MACF1: variants seen among roughly 807,000 people sequenced by gnomAD.
The protein encoded by MACF1 is microtubule-actin cross-linking factor 1.
MACF1 carries 193 observed loss-of-function variants against 854.8 expected under a neutral mutation model. That is an observed-to-expected ratio of 0.23 (90% CI 0.20 to 0.25). MACF1 has a LOEUF of 0.25. Among genes scored for constraint, MACF1 ranks in the 10% least tolerant of loss-of-function variants. The pLI, the probability that MACF1 is intolerant of heterozygous loss-of-function variation, is 1.00. For missense variants in MACF1, 7,722 were observed against 8,929.1 expected (o/e 0.86, Z 5.45); for synonymous variants, 3,185 against 3,226.7 (o/e 0.99, Z 0.44).
intron 1 of MACF1, among the ~76,000 whole-genome samples, chr1:39,217,235 A>G (rs1297280991): frequency 6.9e-6 from 1 of 145,732 alleles, no homozygotes; most frequent in African/African-American, 2.5e-5. Context: ...TTCATGATTT[A>G]GGGTCTATTT....
intron 2 of MACF1, among the ~76,000 whole-genome samples, chr1:39,111,030 C>T (rs1400475589): frequency 6.6e-6 from 1 of 152,172 alleles, no homozygotes; most frequent in Non-Finnish European, 1.5e-5. Flanking sequence ...TTGGCCCTTT[C>T]AGCTTCTGAT....
intron 30 of MACF1, 133 bp from the exon 31 acceptor site, chr1:39,319,531 G>T: frequency 1.7e-6 from 1 of 598,506 alleles, no homozygotes. Context: ...CCAGCAGTAT[G>T]TGTTTTAACC....
intron 95 of MACF1, among the ~76,000 whole-genome samples, chr1:39,467,538 A>G (rs1322404909): frequency 6.6e-6 from 1 of 152,206 alleles, no homozygotes; most frequent in African/African-American, 2.4e-5. Flanking sequence ...AATTTATGCC[A>G]TGAGAAACTC....
intron 47 of MACF1, 68 bp from the exon 48 acceptor site, chr1:39,360,725 A>T: frequency 9.6e-6 from 5 of 518,600 alleles, no homozygotes; most frequent in Non-Finnish European, 1.6e-5. Flanking sequence ...TAATATTAAT[A>T]ATAAAGTCTT....
chr1:39,434,398 T>C lies in MACF1; in HGVS notation c.17566-16T>C. 2 of 1,411,486 alleles carry C rather than the reference T, an allele frequency of 1.4e-6. No individual in the cohort carries two copies. The highest frequency in any genetic ancestry group is 1.9e-6 in the Non-Finnish European group (2 of 1,040,082). The allele number at this position is 1,411,486 out of a possible 1,614,324, so 87.4% of individuals were successfully genotyped here. On this transcript the variant is annotated splice_polypyrimidine_tract_variant and intron_variant, in intron 68 of 100. Coordinates refer to ENST00000564288, the MANE Select transcript of MACF1 (RefSeq NM_001394062.1). ...AGTAATACTTATCCTTTTTTTTTTTTTTTTTGCTCACATAGGAAAAGACAG... is the reference window on the plus strand; with the variant it reads ...AGTAATACTTATCCTTTTTTTTTTTCTTTTTGCTCACATAGGAAAAGACAG...
chr1:39,353,804 A>G (rs1647294215), intron 44 of MACF1, among the ~76,000 whole-genome samples: 1 of 151,974 alleles, frequency 6.6e-6, no homozygotes, highest in South Asian at 2.1e-4. Flanking sequence ...TCACTCTCCT[A>G]TGTCAAATCA....
chr1:39,465,123 C>T lies in MACF1; in HGVS notation c.21771+11C>T. On this transcript the variant is annotated intron_variant, in intron 95 of 100. Transcript: ENST00000564288. ...TTCCTCGGCAATCAGGTACAGTGTG[C>T]CTTGCAATGTTCTCCTTCTCAATGG... The T allele has an allele frequency of 6.2e-7, 1 of 1,611,842 alleles. No homozygotes were observed. Among genetic ancestry groups the T allele is most frequent in the Non-Finnish European group, 8.5e-7 (1 of 1,178,040 alleles).
At chr1:39,257,818 A>T in intron 5 of MACF1, 118 bp from the exon 6 acceptor site, 1 of 726,744 alleles carries the variant, frequency 1.4e-6, no homozygotes, top group Non-Finnish European at 2.3e-6. Flanking sequence ...TAAAACTCAT[A>T]GAACTGTACA....
chr1:39,323,839 C>G (rs1557587681), intron 33 of MACF1, among the ~76,000 whole-genome samples: 1 of 152,088 alleles, frequency 6.6e-6, no homozygotes, highest in Non-Finnish European at 1.5e-5. Flanking sequence ...GCTTCAGTCT[C>G]TTCTCTTCTT....
chr1:39,257,878 A>C (rs898560203), intron 5 of MACF1, 58 bp from the exon 6 acceptor site: 46 of 1,318,084 alleles, frequency 3.5e-5, no homozygotes, highest in Non-Finnish European at 4.1e-5. Context: ...GTGATGCAAA[A>C]ATTTAATCAA....
chr1:39,327,389 T>TA (rs1646635615), intron 36 of MACF1, 36 bp downstream of exon 36: 1 of 1,570,198 alleles, frequency 6.4e-7, no homozygotes, highest in East Asian at 2.3e-5. Context: ...ATTGGGTGGA[T>TA]ACCTTTTGAA....
chr1:39,171,832 T>C (rs1643953736), intron 2 of MACF1, among the ~76,000 whole-genome samples: 1 of 151,782 alleles, frequency 6.6e-6, no homozygotes, highest in South Asian at 2.1e-4. Context: ...TTCACCATGT[T>C]AGCTAGGATG....
In MACF1 at chr1:39,409,847, C is replaced by T. The variant is rs1191857066; in HGVS notation, c.15817-12527C>T. ...TACTTGAAGACTAGAGAGGCTGTGCCATTGTTATTAAAGGATACAATCGGC... is the reference window on the plus strand; with the variant it reads ...TACTTGAAGACTAGAGAGGCTGTGCTATTGTTATTAAAGGATACAATCGGC... On this transcript the variant is annotated intron_variant, in intron 58 of 100. Transcript: ENST00000564288. This position sits in a 1 kb window ranked among gnomAD's most constrained non-coding sequence, Gnocchi z 4.2. The T allele has an allele frequency of 6.3e-6, 1 of 159,948 alleles. No individual in the cohort carries two copies. The highest frequency in any genetic ancestry group is 1.9e-4 in the East Asian group (1 of 5,386). 9.9% of individuals were successfully genotyped at this position (159,948 alleles called of 1,614,324 possible). A position where few individuals can be genotyped will look rare whatever the true frequency, so the allele number is the denominator to read the frequency against.
At chr1:39,165,901 C>A (rs1643877040) in intron 2 of MACF1, among the ~76,000 whole-genome samples, 1 of 152,168 alleles carries the variant, frequency 6.6e-6, no homozygotes, top group Non-Finnish European at 1.5e-5. Flanking sequence ...TTAATTGCCT[C>A]ACTCCCTGAT....
chr1:39,397,633 A>G (rs1642325631), intron 58 of MACF1, among the ~76,000 whole-genome samples: 2 of 152,150 alleles, frequency 1.3e-5, no homozygotes, highest in Non-Finnish European at 2.9e-5. Flanking sequence ...AGACACTTAC[A>G]TTAGCCTACA....
Position 39,333,637 on chromosome 1 carries a change from T to A in MACF1, c.7049T>A (p.Ile2350Asn), listed in dbSNP as rs141135738. 6.2e-7 allele frequency: 1 copy of A among 1,614,204 alleles called. No individual in the cohort carries two copies. Among genetic ancestry groups the A allele is most frequent in the Admixed American group, 1.7e-5 (1 of 60,030 alleles). Residue 2350 changes from isoleucine to asparagine, a missense_variant, in exon 37 of 101, where the codon ATT (isoleucine) becomes AAT (asparagine). Physicochemically the swap from Ile to Asn is moderately radical, Grantham distance 149. Transcript: ENST00000564288. Reference sequence around the variant, plus strand: ...GAGTCTTTGACAACTGAAGAAGTCATTAATGAAGGTCTGATGGATGAGAAA... The same window carrying A: ...GAGTCTTTGACAACTGAAGAAGTCAATAATGAAGGTCTGATGGATGAGAAA... ...TCESLTTEEV[I>N]NEGLMDEKLL...
intron 2 of MACF1, among the ~76,000 whole-genome samples, chr1:39,232,751 T>G (rs1176821307): frequency 5.3e-5 from 2 of 37,854 alleles, no homozygotes; most frequent in South Asian, 1.9e-3. Flanking sequence ...TCTTTGTTTT[T>G]TTTTTTTTTT....
At chr1:39,411,727 A>T in intron 58 of MACF1, 1 of 1,613,910 alleles carries the variant, frequency 6.2e-7, no homozygotes, top group Non-Finnish European at 8.5e-7. Context: ...TGAGCTACAG[A>T]ATCAAATCTC....
intron 6 of MACF1, among the ~76,000 whole-genome samples, chr1:39,280,226 A>G (rs1037558830): frequency 6.6e-6 from 1 of 152,096 alleles, no homozygotes; most frequent in African/African-American, 2.4e-5. Flanking sequence ...GCTTATTTTT[A>G]TTATTTCATT....
Sources: allele counts gnomAD v4.1 joint callset (sites outside exome capture counted in the v4.1 genomes callset), GRCh38; gene constraint gnomAD v4.1.1; non-coding constraint Gnocchi (gnomAD v3.1); transcripts MANE v1.5; gene names NCBI Gene and HGNC (gene_info 2026-07-23, HGNC 2026-07-21).